Variants in TMC5 observed in about 807,000 individuals in gnomAD.
The protein encoded by TMC5 is transmembrane channel-like protein 5.
A neutral mutation model predicts 110.5 loss-of-function variants in TMC5; 86 were observed. That is an observed-to-expected ratio of 0.78 (90% CI 0.65 to 0.93). The LOEUF (loss-of-function observed/expected upper bound fraction) is 0.93, where lower values mean the gene tolerates loss of function less well. TMC5 is among the 40% of genes least tolerant of loss of function. The probability of loss-of-function intolerance (pLI) is 0.00; values close to 1 mark genes in which losing one functional copy is unlikely to be tolerated. For missense variants in TMC5, 1,144 were observed against 1,222.8 expected (o/e 0.94, Z 0.96); for synonymous variants, 455 against 439.5 (o/e 1.04, Z -0.44).
At chr16:19,466,040 T>G in intron 8 of TMC5, 42 bp from the exon 9 acceptor site, 1 of 1,606,444 alleles carries the variant, frequency 6.2e-7, no homozygotes, top group African/African-American at 1.3e-5. Context: ...TACCTTTTTT[T>G]TCAGGAGATC....
chr16:19,449,442 A>G, intron 4 of TMC5, 100 bp from the exon 5 acceptor site: 2 of 966,566 alleles, frequency 2.1e-6, no homozygotes, highest in South Asian at 2.8e-5. Flanking sequence ...CAGTCTTATT[A>G]GCCGTTACGA....
chr16:19,488,478 C>G (rs1208034667), intron 17 of TMC5, among the ~76,000 whole-genome samples: 3 of 152,082 alleles, frequency 2.0e-5, no homozygotes, highest in Non-Finnish European at 4.4e-5. Context: ...CATCTGGCTC[C>G]TCCCACCTCT....
intron 8 of TMC5, 24 bp from the exon 9 acceptor site, chr16:19,466,058 C>A: frequency 6.2e-7 from 1 of 1,612,352 alleles, no homozygotes; most frequent in Non-Finnish European, 8.5e-7. Context: ...ATCCACCTGA[C>A]CTATGGTTTA....
intron 13 of TMC5, among the ~76,000 whole-genome samples, 197 bp downstream of exon 13, chr16:19,477,715 AC>A (rs1309389426): frequency 3.9e-5 from 6 of 152,206 alleles, no homozygotes; most frequent in Admixed American, 3.3e-4. Flanking sequence ...AGTCAGGAGG[AC>A]CTGATTTGAA....
intron 1 of TMC5, among the ~76,000 whole-genome samples, chr16:19,418,535 T>C (rs1597153138): frequency 6.6e-6 from 1 of 152,176 alleles, no homozygotes; most frequent in East Asian, 1.9e-4. Flanking sequence ...CATCATGTTC[T>C]AGAAGAATGC....
chr16:19,445,339 C>A (rs1967590562), intron 4 of TMC5, among the ~76,000 whole-genome samples: 1 of 151,824 alleles, frequency 6.6e-6, no homozygotes, highest in African/African-American at 2.4e-5. Context: ...AACTCCTAGG[C>A]TCAAGCAATC....
At chr16:19,447,033 A>G (rs1312422186) in intron 4 of TMC5, among the ~76,000 whole-genome samples, 1 of 152,054 alleles carries the variant, frequency 6.6e-6, no homozygotes, top group Admixed American at 6.6e-5. Context: ...CAACAACAAC[A>G]ACAACAACTA....
At chr16:19,484,377 C>A (rs1413152971) in intron 15 of TMC5, among the ~76,000 whole-genome samples, 1 of 152,198 alleles carries the variant, frequency 6.6e-6, no homozygotes, top group African/African-American at 2.4e-5. Flanking sequence ...CACATTATTT[C>A]AACTAGGATG....
intron 3 of TMC5, among the ~76,000 whole-genome samples, chr16:19,442,697 C>T (rs1440240956): frequency 1.3e-5 from 2 of 152,104 alleles, no homozygotes; most frequent in Non-Finnish European, 2.9e-5. Context: ...GAAGTTGTAA[C>T]CAATATGAGT....
chr16:19,422,985 G>A (rs551873298), intron 1 of TMC5, among the ~76,000 whole-genome samples: 6 of 152,178 alleles, frequency 3.9e-5, no homozygotes, highest in African/African-American at 1.2e-4. Context: ...TCAGCCAGTC[G>A]TGGTGGCATG....
chr16:19,433,857 G>C (rs1001673072), intron 2 of TMC5, among the ~76,000 whole-genome samples: 2 of 149,562 alleles, frequency 1.3e-5, no homozygotes, highest in Admixed American at 1.4e-4. Context: ...GTCTCATTCT[G>C]TTGCCCAGGC....
Position 19,440,082 on chromosome 16 carries a change from A to G in TMC5, c.44A>G (p.Asp15Gly), listed in dbSNP as rs1967445826. 5 of 1,614,094 alleles carry G rather than the reference A, an allele frequency of 3.1e-6. No homozygotes were observed. Among genetic ancestry groups the G allele is most frequent in the Non-Finnish European group, 4.2e-6 (5 of 1,180,010 alleles). Residue 15 changes from aspartate to glycine, a missense_variant, in exon 3 of 22, where the codon GAT (aspartate) becomes GGT (glycine). By Grantham distance (94) the Asp-to-Gly change is moderately conservative. Transcript: ENST00000542583. ...YRNNWSEEDP[D>G]YPDYSGSQNR... ...AATAACTGGTCTGAGGAAGACCCAG[A>G]TTACCCTGACTATTCAGGGTCTCAG...
chr16:19,439,930 C>A (rs1409317494), intron 2 of TMC5, 30 bp from the exon 3 acceptor site: 7 of 971,412 alleles, frequency 7.2e-6, no homozygotes, highest in South Asian at 1.6e-5. Flanking sequence ...GGAAAAAAAT[C>A]TGACTTTTTC....
intron 1 of TMC5, among the ~76,000 whole-genome samples, chr16:19,428,932 T>C (rs961758416): frequency 6.6e-6 from 1 of 152,150 alleles, no homozygotes; most frequent in African/African-American, 2.4e-5. Context: ...TTCAAGCAAT[T>C]CCTGTGCCTC....
At chr16:19,450,648 C>T (rs1967727121) in intron 5 of TMC5, among the ~76,000 whole-genome samples, 1 of 152,144 alleles carries the variant, frequency 6.6e-6, no homozygotes, top group Non-Finnish European at 1.5e-5. Flanking sequence ...ATTAGGAAGT[C>T]TTGCTTCCTC....
intron 1 of TMC5, among the ~76,000 whole-genome samples, chr16:19,428,496 A>C (rs7196966): frequency 0.025 from 3,818 of 152,244 alleles, 151 homozygotes; most frequent in African/African-American, 0.086. Flanking sequence ...TAAAAAATAC[A>C]TTAGAACTCA....
At chr16:19,419,415 T>TTTG (rs1966931072) in intron 1 of TMC5, among the ~76,000 whole-genome samples, 1 of 131,788 alleles carries the variant, frequency 7.6e-6, no homozygotes, top group Non-Finnish European at 1.6e-5. Flanking sequence ...TTTTTTTTTT[T>TTTG]TTTTTTTTTT....
chr16:19,458,168 C>T (rs1967934723), intron 5 of TMC5, among the ~76,000 whole-genome samples: 1 of 152,112 alleles, frequency 6.6e-6, no homozygotes, highest in Non-Finnish European at 1.5e-5. Flanking sequence ...AGCCTCTCTG[C>T]TCCTGAGGCC....
In TMC5 at chr16:19,487,310, GCCATCA is replaced by G; in HGVS notation, c.2563_2568del (p.Thr855_Ile856del). ...CTTCACCGGGGTCTTGTGCACCCTG[GCCATCA>G]CCATCTGGAGGTAGGAGAAGGTGGC... On this transcript the variant is annotated inframe_deletion, in exon 17 of 22. Transcript: ENST00000542583. 6.2e-7 allele frequency: 1 copy of G among 1,613,736 alleles called. No individual in the cohort carries two copies. Among genetic ancestry groups the G allele is most frequent in the Non-Finnish European group, 8.5e-7 (1 of 1,179,876 alleles).
Sources: gnomAD v4.1 joint callset for allele counts (sites outside exome capture counted in the v4.1 genomes callset) on GRCh38, gnomAD v4.1.1 for gene constraint, MANE v1.5 for transcripts, NCBI Gene and HGNC (gene_info 2026-07-23, HGNC 2026-07-21) for gene names.